Variants in LMX1A observed in about 807,000 individuals in gnomAD.
LMX1A encodes LIM homeobox transcription factor 1 alpha, also known as LIM homeobox transcription factor 1-alpha.
A neutral mutation model predicts 49.1 loss-of-function variants in LMX1A; 15 were observed. The observed-to-expected ratio is 0.31, with a 90% CI of 0.20 to 0.47. The LOEUF (loss-of-function observed/expected upper bound fraction) is 0.47, where lower values mean the gene tolerates loss of function less well. LMX1A is among the 20% of genes least tolerant of loss of function. The probability of loss-of-function intolerance (pLI) is 1.00; values close to 1 mark genes in which losing one functional copy is unlikely to be tolerated. For synonymous variants in LMX1A, 167 were observed against 185.7 expected (o/e 0.90, Z 0.82); for missense variants, 372 against 475.8 (o/e 0.78, Z 2.03).
intron 3 of LMX1A, among the ~76,000 whole-genome samples, chr1:165,337,958 T>A (rs986337425): frequency 1.3e-5 from 2 of 149,018 alleles, no homozygotes; most frequent in African/African-American, 5.1e-5. Context: ...TTTAAGAAGG[T>A]TGCCAGCAGC....
At chr1:165,249,744 A>G (rs767958950) in intron 3 of LMX1A, 104 bp from the exon 4 acceptor site, 1 of 758,988 alleles carries the variant, frequency 1.3e-6, no homozygotes, top group Non-Finnish European at 2.3e-6. Flanking sequence ...GAACTGGGAT[A>G]TGAACGTTAG....
chr1:165,208,330 A>G (rs1046656887), intron 6 of LMX1A, among the ~76,000 whole-genome samples, 198 bp from the exon 7 acceptor site: 1 of 152,238 alleles, frequency 6.6e-6, no homozygotes, highest in South Asian at 2.1e-4. Flanking sequence ...ACTCTGCAGC[A>G]GTATAAAGAC....
intron 3 of LMX1A, among the ~76,000 whole-genome samples, chr1:165,253,064 A>G (rs866467887): frequency 1.3e-5 from 2 of 152,254 alleles, no homozygotes; most frequent in Non-Finnish European, 2.9e-5. Flanking sequence ...ATTCATGTAC[A>G]TAAACAAGTA....
intron 3 of LMX1A, among the ~76,000 whole-genome samples, chr1:165,284,759 G>A (rs1020240355): frequency 1.3e-5 from 2 of 152,210 alleles, no homozygotes. Context: ...ACAAAGCGTT[G>A]GCCACCCAGC....
chr1:165,220,046 C>G (rs927031370), intron 4 of LMX1A, among the ~76,000 whole-genome samples: 1 of 152,064 alleles, frequency 6.6e-6, no homozygotes, highest in Admixed American at 6.5e-5. Context: ...GCATAAAATA[C>G]CTAATGACAT....
intron 3 of LMX1A, among the ~76,000 whole-genome samples, chr1:165,308,723 A>C (rs923475717): frequency 6.6e-6 from 1 of 152,120 alleles, no homozygotes; most frequent in Non-Finnish European, 1.5e-5. Flanking sequence ...CTTGCATTAC[A>C]TTCCACAGCT....
In LMX1A at chr1:165,209,192, C is replaced by T. The variant is rs529848546; in HGVS notation, c.748-1060G>A. 3.3e-5 allele frequency among the ~76,000 whole-genome samples: 5 copies of T among 152,324 alleles called. No individual in the cohort carries two copies. The East Asian group carries it at 9.7e-4, about 29-fold the overall frequency. ...CACTATGGAGTCTTTCTTTGGTACA[C>T]ATCAACAGCCCTGTTCTGAGGATGT... On this transcript the variant is annotated intron_variant, in intron 6 of 8. Transcript: ENST00000342310.
At chr1:165,291,652 G>A (rs1276093156) in intron 3 of LMX1A, among the ~76,000 whole-genome samples, 1 of 152,100 alleles carries the variant, frequency 6.6e-6, no homozygotes, top group Non-Finnish European at 1.5e-5. Context: ...GAGAGGTTCT[G>A]GCATCATTTC....
intron 4 of LMX1A, among the ~76,000 whole-genome samples, chr1:165,220,151 G>A (rs1651786982): frequency 6.6e-6 from 1 of 152,042 alleles, no homozygotes; most frequent in South Asian, 2.1e-4. Flanking sequence ...TACTGTGAGG[G>A]GATAAAAAAG....
chr1:165,290,604 A>G (rs1220758705), intron 3 of LMX1A, among the ~76,000 whole-genome samples: 1 of 152,184 alleles, frequency 6.6e-6, no homozygotes, highest in Non-Finnish European at 1.5e-5. Context: ...GTCTTTGGGG[A>G]ACGTTTTCAG....
intron 3 of LMX1A, among the ~76,000 whole-genome samples, chr1:165,336,318 A>T (rs1161945939): frequency 6.6e-6 from 1 of 152,106 alleles, no homozygotes; most frequent in Non-Finnish European, 1.5e-5. Flanking sequence ...TTTCTTCTAG[A>T]TCACTAACCT....
intron 6 of LMX1A, among the ~76,000 whole-genome samples, chr1:165,209,330 AT>A (rs1297407393): frequency 6.6e-6 from 1 of 152,198 alleles, no homozygotes; most frequent in Non-Finnish European, 1.5e-5. Flanking sequence ...GGTTCCTAAA[AT>A]TTTTGGACTC....
chr1:165,268,328 G>T (rs1653688702), intron 3 of LMX1A, among the ~76,000 whole-genome samples: 1 of 152,190 alleles, frequency 6.6e-6, no homozygotes, highest in African/African-American at 2.4e-5. Context: ...ATTTTGCTAT[G>T]CCACATATTT....
At chr1:165,325,251 C>G (rs576338032) in intron 3 of LMX1A, among the ~76,000 whole-genome samples, 1 of 152,188 alleles carries the variant, frequency 6.6e-6, no homozygotes, top group African/African-American at 2.4e-5. Context: ...AGTTTGTTCC[C>G]CTTACTTACT....
chr1:165,233,636 T>A (rs192900977), intron 4 of LMX1A, among the ~76,000 whole-genome samples: 76 of 152,322 alleles, frequency 5.0e-4, no homozygotes, highest in Non-Finnish European at 9.6e-4. Flanking sequence ...TTTATCTAGA[T>A]CCCTGGTTCT....
chr1:165,247,435 GTA>G (rs1037961346), intron 4 of LMX1A, among the ~76,000 whole-genome samples: 15 of 152,086 alleles, frequency 9.9e-5, no homozygotes. Flanking sequence ...TATACCAAGT[GTA>G]TACCCATTAG....
rs532391358 is a variant in LMX1A, at chr1:165,343,765, T to C, written c.263+9311A>G. Among the ~76,000 whole-genome samples the C allele has an allele frequency of 1.4e-3, 209 of 152,234 alleles. 1 individual carries two copies. The highest frequency in any genetic ancestry group is 4.9e-3 in the African/African-American group (203 of 41,542). On this transcript the variant is annotated intron_variant, in intron 3 of 8. Transcript: ENST00000342310. ...TGGGTGCATAATACTGGCCAGCCAT[T>C]CATATAGATAAACAGGGAAGCCTCC...
intron 3 of LMX1A, among the ~76,000 whole-genome samples, chr1:165,291,829 C>T (rs1654473551): frequency 6.6e-6 from 1 of 151,922 alleles, no homozygotes; most frequent in Non-Finnish European, 1.5e-5. Flanking sequence ...TTTGGGAGGC[C>T]GAGACGGGCG....
At chr1:165,266,560 G>A (rs949244515) in intron 3 of LMX1A, among the ~76,000 whole-genome samples, 6 of 149,328 alleles carry the variant, frequency 4.0e-5, no homozygotes, top group Non-Finnish European at 7.4e-5. Context: ...GAAGCAACAT[G>A]CTGGATGAAC....
Sources: allele counts gnomAD v4.1 joint callset (sites outside exome capture counted in the v4.1 genomes callset), GRCh38; gene constraint gnomAD v4.1.1; transcripts MANE v1.5; gene names NCBI Gene and HGNC (gene_info 2026-07-23, HGNC 2026-07-21).